Variants in ADAMTS3 observed in about 807,000 individuals in gnomAD.
ADAMTS3 encodes the protein ADAM metallopeptidase with thrombospondin type 1 motif 3, also known as A disintegrin and metalloproteinase with thrombospondin motifs 3.
In ADAMTS3, 73 loss-of-function variants were observed where a neutral mutation model predicts 129.0. The observed-to-expected ratio is 0.57, with a 90% CI of 0.47 to 0.69. The LOEUF is 0.69. ADAMTS3 is among the 30% of genes least tolerant of loss of function. The pLI is 0.00. For synonymous variants in ADAMTS3, 477 were observed against 510.8 expected, an observed-to-expected ratio of 0.93 and a Z score of 0.89; for missense variants, 1,457 against 1,514.5, an observed-to-expected ratio of 0.96 and a Z score of 0.63.
chr4:72,384,014 A>T (rs1721370835), intron 4 of ADAMTS3, among the ~76,000 whole-genome samples: 2 of 151,678 alleles, frequency 1.3e-5, no homozygotes, highest in East Asian at 1.9e-4. Flanking sequence ...TAATACAATA[A>T]ATATATATAT....
At chr4:72,466,774 G>A (rs1416298302) in intron 3 of ADAMTS3, among the ~76,000 whole-genome samples, 1 of 151,542 alleles carries the variant, frequency 6.6e-6, no homozygotes, top group African/African-American at 2.4e-5. Context: ...TATACTCATC[G>A]CTTCAACTGT....
rs1578803435 is a variant in ADAMTS3, at chr4:72,568,730, G to A, written c.33C>T (p.Ala11=). The change falls in exon 1 of 22, where the codon GCC becomes GCT. Residue 11 remains alanine (A), a synonymous_variant. Coordinates refer to ENST00000286657, the MANE Select transcript of ADAMTS3 (RefSeq NM_014243.3). MVLLSLWLIA[A]ALVEVRTSAD... is the part of the protein sequence containing the mutation. ...CTGAAGTCCTAACCTCTACCAGAGCGGCTGCTATCAACCAAAGTGACAGGA... is the reference window on the plus strand; with the variant it reads ...CTGAAGTCCTAACCTCTACCAGAGCAGCTGCTATCAACCAAAGTGACAGGA... 1 of 1,613,748 alleles carries A rather than the reference G, an allele frequency of 6.2e-7. No individual in the cohort carries two copies. Among genetic ancestry groups the A allele is most frequent in the Admixed American group, 1.7e-5 (1 of 59,952 alleles).
Position 72,431,286 on chromosome 4 carries a change from G to A in ADAMTS3, c.505-16315C>T, listed in dbSNP as rs191711451. 2.1e-4 allele frequency among the ~76,000 whole-genome samples: 32 copies of A among 151,972 alleles called. No individual in the cohort carries two copies. The South Asian group carries it at 3.5e-3, about 17-fold the overall frequency. On this transcript the variant is annotated intron_variant, in intron 3 of 21. Coordinates refer to ENST00000286657, the MANE Select transcript of ADAMTS3 (RefSeq NM_014243.3). ...GGTCATTCAGTGTTCCAGGAACTGCGGATAATACGTGAGGAGCATGACAGA... is the reference window on the plus strand; with the variant it reads ...GGTCATTCAGTGTTCCAGGAACTGCAGATAATACGTGAGGAGCATGACAGA...
chr4:72,521,210 C>A (rs1720664040), intron 3 of ADAMTS3, among the ~76,000 whole-genome samples: 2 of 152,088 alleles, frequency 1.3e-5, no homozygotes, highest in Admixed American at 1.3e-4. Flanking sequence ...GTTGGCCAGG[C>A]TGGTCTCGAA....
intron 20 of ADAMTS3, 81 bp from the exon 21 acceptor site, chr4:72,288,949 C>T (rs2109769198): frequency 2.7e-6 from 2 of 751,750 alleles, no homozygotes; most frequent in East Asian, 2.6e-5. Context: ...CACACACACA[C>T]ACACACACAC....
intron 3 of ADAMTS3, among the ~76,000 whole-genome samples, chr4:72,481,510 T>C (rs1025803532): frequency 6.6e-6 from 1 of 152,170 alleles, no homozygotes; most frequent in Non-Finnish European, 1.5e-5. Context: ...AAGAATAGCC[T>C]TGGACCTAAA....
In ADAMTS3 at chr4:72,286,045, A is replaced by C. The variant is rs372345675; in HGVS notation, c.3050-2341T>G. Among the ~76,000 whole-genome samples, 280 of 152,346 alleles carry C rather than the reference A, an allele frequency of 1.8e-3. 4 individuals are homozygous for C. Among genetic ancestry groups the C allele is most frequent in the African/African-American group, 6.4e-3 (268 of 41,574 alleles). On this transcript the variant is annotated intron_variant, in intron 21 of 21. Transcript: ENST00000286657. ...CTCTTAGGATTGCCCTTTGGGCCTC[A>C]ATTTTAGAACAACAGAACAACTAAA...
chr4:72,332,856 C>G (rs976155682), intron 5 of ADAMTS3, among the ~76,000 whole-genome samples: 1 of 152,104 alleles, frequency 6.6e-6, no homozygotes, highest in Admixed American at 6.6e-5. Context: ...TGACTTGAAT[C>G]GTACAAACAA....
chr4:72,445,218 T>C (rs1470667667), intron 3 of ADAMTS3, among the ~76,000 whole-genome samples: 1 of 151,746 alleles, frequency 6.6e-6, no homozygotes, highest in Non-Finnish European at 1.5e-5. Context: ...AATAAAGCTA[T>C]TAAAATATTT....
chr4:72,510,639 A>G (rs1011950959), intron 3 of ADAMTS3, among the ~76,000 whole-genome samples: 1 of 151,930 alleles, frequency 6.6e-6, no homozygotes, highest in Non-Finnish European at 1.5e-5. Context: ...AAAAAATGCC[A>G]TGTTCATGGA....
intron 4 of ADAMTS3, among the ~76,000 whole-genome samples, chr4:72,393,363 A>C (rs1721648214): frequency 6.6e-6 from 1 of 152,222 alleles, no homozygotes; most frequent in Non-Finnish European, 1.5e-5. Context: ...ACTTGGACTA[A>C]AATGCCCACT....
intron 2 of ADAMTS3, among the ~76,000 whole-genome samples, chr4:72,567,118 G>T (rs907591299): frequency 6.6e-6 from 1 of 152,094 alleles, no homozygotes; most frequent in African/African-American, 2.4e-5. Context: ...CATATCAGTG[G>T]CTTGTACAAA....
intron 20 of ADAMTS3, among the ~76,000 whole-genome samples, chr4:72,290,117 T>C (rs539891227): frequency 1.7e-4 from 26 of 152,280 alleles, no homozygotes; most frequent in Admixed American, 1.1e-3. Context: ...CAATGCAACA[T>C]TGAGTCAGCC....
chr4:72,380,639 G>T (rs1249915499), intron 4 of ADAMTS3, among the ~76,000 whole-genome samples: 1 of 152,078 alleles, frequency 6.6e-6, no homozygotes, highest in Non-Finnish European at 1.5e-5. Flanking sequence ...AGGGCCAGCA[G>T]CATAGCTTTG....
intron 2 of ADAMTS3, among the ~76,000 whole-genome samples, chr4:72,563,598 A>C (rs775261260): frequency 6.5e-4 from 99 of 152,288 alleles, no homozygotes; most frequent in Non-Finnish European, 1.1e-3. Context: ...AAGCATACAA[A>C]AAATGATAGG....
At chr4:72,548,353 T>C in intron 3 of ADAMTS3, 125 bp downstream of exon 3, 1 of 1,046,738 alleles carries the variant, frequency 9.6e-7, no homozygotes, top group East Asian at 2.4e-5. Context: ...TAGTGTCTTT[T>C]TCTGAACTTA....
chr4:72,568,174 G>C (rs1261521684), intron 1 of ADAMTS3: 3 of 153,794 alleles, frequency 2.0e-5, no homozygotes, highest in Non-Finnish European at 4.3e-5. Flanking sequence ...CCCAGGACAC[G>C]TGTCTACTGG....
chr4:72,560,818 C>A (rs1331177060), intron 2 of ADAMTS3, among the ~76,000 whole-genome samples: 1 of 152,128 alleles, frequency 6.6e-6, no homozygotes, highest in Non-Finnish European at 1.5e-5. Flanking sequence ...ACCTGCATGT[C>A]CTGCACGTGT....
In ADAMTS3 at chr4:72,548,659, A is replaced by G. The variant is rs1721530091; in HGVS notation, c.323T>C (p.Val108Ala). 1 of 1,614,032 alleles carries G rather than the reference A, an allele frequency of 6.2e-7. No individual in the cohort carries two copies. Among genetic ancestry groups the G allele is most frequent in the East Asian group, 2.2e-5 (1 of 44,874 alleles). The change falls in exon 3 of 22, where the codon GTG becomes GCG. Residue 108 changes from valine to alanine, a missense_variant. Physicochemically the swap from Val to Ala is moderately conservative, Grantham distance 64. Coordinates refer to ENST00000286657, the MANE Select transcript of ADAMTS3 (RefSeq NM_014243.3). ...CACCAGAGATGTCTCATGCCACTCC[A>G]CAACAGCCCCAGGAGCTACTAGTTG... Reference protein sequence around the residue: ...NTQLVAPGAVVEWHETSLVPG... With the variant: ...NTQLVAPGAVAEWHETSLVPG...
Sources: gnomAD v4.1 joint callset for allele counts (sites outside exome capture counted in the v4.1 genomes callset) on GRCh38, gnomAD v4.1.1 for gene constraint, MANE v1.5 for transcripts, NCBI Gene and HGNC (gene_info 2026-07-23, HGNC 2026-07-21) for gene names.